Variants in DLG5 observed in about 807,000 individuals in gnomAD.
The protein encoded by DLG5 is discs large MAGUK scaffold protein 5.
A neutral mutation model predicts 189.8 loss-of-function variants in DLG5; 48 were observed. The ratio of observed to expected loss-of-function variants is 0.25; its 90% CI spans 0.20 to 0.32. The LOEUF (loss-of-function observed/expected upper bound fraction) is 0.32, where lower values mean the gene tolerates loss of function less well. Ranked by LOEUF, DLG5 falls within the 10% of genes least tolerant of loss-of-function variation. The pLI, the probability that DLG5 is intolerant of heterozygous loss-of-function variation, is 1.00. For synonymous variants in DLG5, 1,016 were observed against 1,054.1 expected (o/e 0.96, Z 0.70); for missense variants, 2,160 against 2,544.7 (o/e 0.85, Z 3.25).
At chr10:77,858,782 A>G (rs200032507) in intron 2 of DLG5, among the ~76,000 whole-genome samples, 6,850 of 152,308 alleles carry the variant, frequency 0.045, 280 homozygotes, top group East Asian at 0.25. Flanking sequence ...GTACAAAAAA[A>G]TTAAACATTT....
In DLG5 at chr10:77,826,490, G is replaced by A. The variant is rs551416892; in HGVS notation, c.2290-2014C>T. Among the ~76,000 whole-genome samples the A allele has an allele frequency of 3.3e-5, 5 of 152,252 alleles. No individual in the cohort carries two copies. In the East Asian group the frequency reaches 7.7e-4, roughly 24 times the overall value. Reference sequence around the variant, plus strand: ...AAAAATACAAAAAAACTAGCAGGGCGTGATGGCACATGTCTGTAATCCCAG... The same window carrying A: ...AAAAATACAAAAAAACTAGCAGGGCATGATGGCACATGTCTGTAATCCCAG... On this transcript the variant is annotated intron_variant, in intron 13 of 31. Coordinates refer to ENST00000372391, the MANE Select transcript of DLG5 (RefSeq NM_004747.4).
Position 77,842,096 on chromosome 10 carries a change from T to G in DLG5, c.1222A>C (p.Arg408=), listed in dbSNP as rs758196277. The change falls in exon 7 of 32, where the codon AGA becomes CGA. Residue 408 remains arginine (R), a synonymous_variant. Coordinates refer to ENST00000372391, the MANE Select transcript of DLG5 (RefSeq NM_004747.4). ...ELLQSELTEL[R]TTQVKTAKES... is the part of the protein sequence containing the mutation. ...TTTGCTGTCTTCACCTGCGTGGTTCTCAGCTCGGTCAGCTCTGACTGCAGC... is the reference window on the plus strand; with the variant it reads ...TTTGCTGTCTTCACCTGCGTGGTTCGCAGCTCGGTCAGCTCTGACTGCAGC... 6.2e-7 allele frequency: 1 copy of G among 1,613,498 alleles called. No homozygotes were observed. Among genetic ancestry groups the G allele is most frequent in the Non-Finnish European group, 8.5e-7 (1 of 1,180,040 alleles).
chr10:77,810,007 C>T (rs1179060653), intron 23 of DLG5, among the ~76,000 whole-genome samples: 1 of 152,214 alleles, frequency 6.6e-6, no homozygotes, highest in Admixed American at 6.5e-5. Flanking sequence ...CTATCAATCT[C>T]ATGCCTTAAA....
chr10:77,893,233 GGAGA>G (rs1845661990), intron 1 of DLG5, among the ~76,000 whole-genome samples: 3 of 152,220 alleles, frequency 2.0e-5, no homozygotes, highest in Non-Finnish European at 4.4e-5. Context: ...CAGCAAGGAA[GGAGA>G]GAGAGAAGGA....
intron 9 of DLG5, 152 bp downstream of exon 9, chr10:77,833,762 T>C (rs1842987199): frequency 1.8e-6 from 2 of 1,136,300 alleles, no homozygotes; most frequent in Non-Finnish European, 2.5e-6. Context: ...ACTGACAGAG[T>C]AAGGCAGAGT....
chr10:77,856,914 G>C (rs1270145101), intron 2 of DLG5, 22 bp from the exon 3 acceptor site: 14 of 1,600,542 alleles, frequency 8.7e-6, no homozygotes, highest in Non-Finnish European at 1.2e-5. Flanking sequence ...GAATAATAAA[G>C]TGAACTTGTG....
At chr10:77,888,744 T>C (rs536764536) in intron 1 of DLG5, among the ~76,000 whole-genome samples, 1 of 152,300 alleles carries the variant, frequency 6.6e-6, no homozygotes, top group South Asian at 2.1e-4. Flanking sequence ...CCAAACCCCG[T>C]TAATATGTAC....
chr10:77,864,173 C>T (rs1275413093), intron 2 of DLG5, among the ~76,000 whole-genome samples: 5 of 152,284 alleles, frequency 3.3e-5, no homozygotes, highest in African/African-American at 9.6e-5. Context: ...TCTCAGCCAC[C>T]GCCCTTTGTC....
intron 1 of DLG5, among the ~76,000 whole-genome samples, chr10:77,919,367 C>CA (rs1175174231): frequency 6.6e-6 from 1 of 151,926 alleles, no homozygotes; most frequent in Non-Finnish European, 1.5e-5. Context: ...GAAGGGCCCC[C>CA]AAAATCGAGT....
intron 1 of DLG5, among the ~76,000 whole-genome samples, chr10:77,914,218 A>G (rs1846300120): frequency 6.6e-6 from 1 of 152,216 alleles, no homozygotes; most frequent in African/African-American, 2.4e-5. Flanking sequence ...AGCCCAGAGA[A>G]GCATGGGCCT....
rs1842860842 is a variant in DLG5 at position 77,830,805 on chromosome 10, T to C, written c.1817A>G (p.Asp606Gly). The C allele has an allele frequency of 1.2e-6, 2 of 1,614,016 alleles. No homozygotes were observed. Among genetic ancestry groups the C allele is most frequent in the Non-Finnish European group, 1.7e-6 (2 of 1,180,022 alleles). ...FRQLMAHSSHDSAIDTDSMEW... is the reference protein window; with the variant it reads ...FRQLMAHSSHGSAIDTDSMEW... ...CATGGAATCCGTGTCAATGGCCGAG[T>C]CGTGGGAGCTGTGGGCCATCAGCTG... is the stretch of plus-strand genomic sequence containing the variant. Residue 606 changes from aspartate (D) to glycine (G), a missense_variant, in exon 10 of 32, where the codon GAC becomes GGC. By Grantham distance (94) the Asp-to-Gly change is moderately conservative. Coordinates refer to ENST00000372391, the MANE Select transcript of DLG5 (RefSeq NM_004747.4).
intron 2 of DLG5, among the ~76,000 whole-genome samples, chr10:77,859,201 T>A (rs987787134): frequency 6.6e-6 from 1 of 152,208 alleles, no homozygotes; most frequent in Non-Finnish European, 1.5e-5. Flanking sequence ...TTAAGCTAAG[T>A]GTTATTACAA....
In DLG5 at chr10:77,805,813, A is replaced by G. The variant is rs41274580; in HGVS notation, c.5016T>C (p.Asp1672=). Residue 1672 remains aspartate, a synonymous_variant, in exon 27 of 32, where the codon GAT becomes GAC. Coordinates refer to ENST00000372391, the MANE Select transcript of DLG5 (RefSeq NM_004747.4). ...ACAGCGTCTTTGTGGCGCTATTGTC[A>G]TCTTTGACTTCAGACATGCTGAGCC... ...SRRLSMSEVK[D]DNSATKTLSA... 3.5e-3 allele frequency: 5,714 copies of G among 1,614,148 alleles called. 20 individuals are homozygous for G. The highest frequency in any genetic ancestry group is 4.5e-3 in the Non-Finnish European group (5,303 of 1,180,002).
chr10:77,927,025 C>T (rs1214373321), upstream of DLG5: 3 of 300,984 alleles, frequency 1.0e-5, no homozygotes, highest in Non-Finnish European at 2.0e-5. Context: ...CCGCCTCGGC[C>T]CCCGTGCACC....
At chr10:77,827,037 T>C (rs1194199366) in intron 13 of DLG5, among the ~76,000 whole-genome samples, 1 of 152,090 alleles carries the variant, frequency 6.6e-6, no homozygotes, top group African/African-American at 2.4e-5. Flanking sequence ...CCCCCAAAAA[T>C]GTGTGAGATG....
intron 13 of DLG5, chr10:77,824,686 C>A: frequency 1.9e-6 from 1 of 533,606 alleles, no homozygotes; most frequent in Non-Finnish European, 3.3e-6. Flanking sequence ...TAAGCCTTCA[C>A]AGCAGGCTAG....
In DLG5 at chr10:77,906,753, C is replaced by A. The variant is rs117955627; in HGVS notation, c.304+19464G>T. On this transcript the variant is annotated intron_variant, in intron 1 of 31. Transcript: ENST00000372391. ...GACTCTCCTATCTCAGCCTCCCGAG[C>A]AGCTGGAAGTACAGGCACGTACCAC... Among the ~76,000 whole-genome samples, 835 of 151,702 alleles carry A rather than the reference C, an allele frequency of 5.5e-3. 8 individuals carry two copies. Among genetic ancestry groups the A allele is most frequent in the East Asian group, 0.023 (119 of 5,124 alleles).
chr10:77,795,013 C>T, intron 29 of DLG5, 55 bp from the exon 30 acceptor site: 1 of 1,466,622 alleles, frequency 6.8e-7, no homozygotes. Context: ...CAGCCAGCCC[C>T]CTGTCCTGCC....
At chr10:77,799,007 A>G (rs111826687) in intron 27 of DLG5, among the ~76,000 whole-genome samples, 2,294 of 152,312 alleles carry the variant, frequency 0.015, 55 homozygotes, top group African/African-American at 0.053. Context: ...AAAAAAAACC[A>G]TATTCTCCCT....
Sources: allele counts gnomAD v4.1 joint callset (sites outside exome capture counted in the v4.1 genomes callset), GRCh38; gene constraint gnomAD v4.1.1; transcripts MANE v1.5; gene names NCBI Gene and HGNC (gene_info 2026-07-23, HGNC 2026-07-21).